The following ROBO2 variants were observed in gnomAD, a reference collection of about 807,000 sequenced individuals.
The protein encoded by ROBO2 is roundabout guidance receptor 2.
A neutral mutation model predicts 160.8 loss-of-function variants in ROBO2; 53 were observed. That is an observed-to-expected ratio of 0.33 (90% CI 0.26 to 0.41). ROBO2 has a LOEUF of 0.41. ROBO2 is among the 10% of genes least tolerant of loss of function. ROBO2 has a pLI of 1.00. For synonymous variants in ROBO2, 664 were observed against 611.7 expected (o/e 1.09, Z -1.26); for missense variants, 1,577 against 1,722.4 (o/e 0.92, Z 1.49).
chr3:76,435,697 A>T (rs1485960441), intron 2 of ROBO2, among the ~76,000 whole-genome samples: 4 of 152,154 alleles, frequency 2.6e-5, no homozygotes. Flanking sequence ...GCCGACTAGG[A>T]CTATGATGCA....
chr3:77,485,226 A>G (rs1416046701), intron 4 of ROBO2, among the ~76,000 whole-genome samples: 1 of 152,056 alleles, frequency 6.6e-6, no homozygotes, highest in Non-Finnish European at 1.5e-5. Context: ...CTTGGAGCAC[A>G]TTCTCAACCA....
At chr3:76,961,572 G>T (rs948586758) in intron 2 of ROBO2, among the ~76,000 whole-genome samples, 9 of 152,068 alleles carry the variant, frequency 5.9e-5, no homozygotes, top group African/African-American at 2.2e-4. Context: ...ACACACAGTG[G>T]AAAGAACGTG....
intron 2 of ROBO2, among the ~76,000 whole-genome samples, chr3:76,488,352 G>A (rs1341018582): frequency 6.6e-6 from 1 of 152,058 alleles, no homozygotes; most frequent in Non-Finnish European, 1.5e-5. Context: ...GTGGCTGTAG[G>A]ACTGATGTTC....
intron 2 of ROBO2, among the ~76,000 whole-genome samples, chr3:76,939,121 G>C (rs1204195789): frequency 6.6e-6 from 1 of 152,086 alleles, no homozygotes; most frequent in Non-Finnish European, 1.5e-5. Context: ...TTGATATAAT[G>C]AGTTACAGCT....
intron 2 of ROBO2, among the ~76,000 whole-genome samples, chr3:76,555,345 A>G (rs891946410): frequency 1.3e-5 from 1 of 76,758 alleles, no homozygotes; most frequent in Non-Finnish European, 3.0e-5. Flanking sequence ...GAAGAGGAGG[A>G]AGAGTAGGAA....
chr3:77,197,713 C>T (rs2082431262), intron 2 of ROBO2, among the ~76,000 whole-genome samples: 1 of 152,146 alleles, frequency 6.6e-6, no homozygotes, highest in Non-Finnish European at 1.5e-5. Flanking sequence ...TGTTCTAATT[C>T]CCAGAAACCG....
chr3:77,525,390 C>T (rs1400190585), intron 6 of ROBO2, among the ~76,000 whole-genome samples: 2 of 147,920 alleles, frequency 1.4e-5, no homozygotes, highest in African/African-American at 5.0e-5. Context: ...TGAAACAGAT[C>T]TACTCAGTTA....
intron 2 of ROBO2, among the ~76,000 whole-genome samples, chr3:77,305,325 C>T (rs1350187104): frequency 6.6e-6 from 1 of 152,214 alleles, no homozygotes; most frequent in African/African-American, 2.4e-5. Flanking sequence ...CTTTTGGTAG[C>T]ATTCTTCACT....
At chr3:77,077,080 G>A (rs2068092223) in intron 1 of ROBO2, among the ~76,000 whole-genome samples, 1 of 152,114 alleles carries the variant, frequency 6.6e-6, no homozygotes, top group African/African-American at 2.4e-5. Flanking sequence ...AGATATTCTT[G>A]CCTTTTGAAA....
intron 2 of ROBO2, among the ~76,000 whole-genome samples, chr3:77,432,751 A>C (rs1458573887): frequency 6.6e-6 from 1 of 152,096 alleles, no homozygotes; most frequent in African/African-American, 2.4e-5. Context: ...GTGACCTGTG[A>C]AGTTTATTCA....
intron 2 of ROBO2, among the ~76,000 whole-genome samples, chr3:76,555,402 G>GA (rs2083688506): frequency 1.4e-5 from 1 of 71,042 alleles, no homozygotes; most frequent in African/African-American, 3.0e-5. Context: ...AGAAGAAGAA[G>GA]AAGAAGAAGA....
chr3:76,177,488 AT>A (rs2073273257), intron 2 of ROBO2, among the ~76,000 whole-genome samples: 1 of 152,194 alleles, frequency 6.6e-6, no homozygotes, highest in South Asian at 2.1e-4. Flanking sequence ...TGTCAATGAC[AT>A]TTTGTAAATA....
At chr3:76,463,905 A>G (rs2078229837) in intron 2 of ROBO2, among the ~76,000 whole-genome samples, 3 of 152,184 alleles carry the variant, frequency 2.0e-5, no homozygotes. Context: ...TAACTCTGCT[A>G]GTTAAGTCAC....
intron 2 of ROBO2, among the ~76,000 whole-genome samples, chr3:76,812,032 A>T (rs1310880394): frequency 1.3e-5 from 2 of 151,632 alleles, no homozygotes; most frequent in African/African-American, 4.8e-5. Context: ...CACCATGCCC[A>T]GCTAATTTTT....
At chr3:76,486,161 C>T (rs1372351509) in intron 2 of ROBO2, among the ~76,000 whole-genome samples, 1 of 152,152 alleles carries the variant, frequency 6.6e-6, no homozygotes, top group East Asian at 1.9e-4. Context: ...GCTTGGTGAA[C>T]TCCAAAGTGT....
At chr3:77,376,878 A>G (rs1039613019) in intron 2 of ROBO2, among the ~76,000 whole-genome samples, 1 of 152,212 alleles carries the variant, frequency 6.6e-6, no homozygotes, top group Non-Finnish European at 1.5e-5. Context: ...TTCAATTGGT[A>G]TAATTCTGAC....
intron 21 of ROBO2, among the ~76,000 whole-genome samples, chr3:77,615,609 C>T (rs923274677): frequency 3.9e-5 from 6 of 152,110 alleles, no homozygotes; most frequent in Non-Finnish European, 8.8e-5. Context: ...CTTTTTTAGA[C>T]CTTTCACTTG....
At chr3:77,539,645 G>A (rs945064583) in intron 6 of ROBO2, among the ~76,000 whole-genome samples, 1 of 151,962 alleles carries the variant, frequency 6.6e-6, no homozygotes, top group Non-Finnish European at 1.5e-5. Flanking sequence ...CTATTCCGAG[G>A]CATTCATTTA....
intron 2 of ROBO2, among the ~76,000 whole-genome samples, chr3:77,176,820 G>C (rs1160991880): frequency 1.3e-5 from 2 of 151,882 alleles, no homozygotes; most frequent in Non-Finnish European, 2.9e-5. Flanking sequence ...CTCTTGTTTG[G>C]ATCAAGGGTT....
Sources: allele counts gnomAD v4.1 joint callset (sites outside exome capture counted in the v4.1 genomes callset), GRCh38; gene constraint gnomAD v4.1.1; transcripts MANE v1.5; gene names NCBI Gene and HGNC (gene_info 2026-07-23, HGNC 2026-07-21).